The following CCDC148 variants were observed in gnomAD, a reference collection of about 807,000 sequenced individuals.
CCDC148 encodes the protein coiled-coil domain-containing protein 148.
A neutral mutation model predicts 85.7 loss-of-function variants in CCDC148; 89 were observed. The ratio of observed to expected loss-of-function variants is 1.04; its 90% CI spans 0.87 to 1.24. The LOEUF is 1.24. Among genes scored for constraint, CCDC148 ranks in the 50% most tolerant of loss-of-function variants. CCDC148 has a pLI of 0.00. For synonymous variants in CCDC148, 230 were observed against 213.9 expected (o/e 1.08, Z -0.66); for missense variants, 692 against 671.7 (o/e 1.03, Z -0.33).
chr2:158,449,454 CTT>C (rs34470476), intron 1 of CCDC148, among the ~76,000 whole-genome samples: 1 of 147,840 alleles, frequency 6.8e-6, no homozygotes, highest in Non-Finnish European at 1.5e-5. Context: ...TCCTTGGTTT[CTT>C]TTTTTTTTTC....
intron 11 of CCDC148, among the ~76,000 whole-genome samples, chr2:158,217,304 A>T (rs1266773519): frequency 6.9e-6 from 1 of 144,124 alleles, no homozygotes; most frequent in South Asian, 2.2e-4. Context: ...CATTTTATTT[A>T]TGTAGGTATA....
chr2:158,424,750 G>T lies in CCDC148; in HGVS notation c.25+31665C>A, dbSNP rs188984764. The T allele has an allele frequency of 6.5e-4, 139 of 214,452 alleles. 2 individuals carry two copies. In the East Asian group the frequency reaches 0.012, roughly 19 times the overall value. 13.3% of individuals were successfully genotyped at this position (214,452 alleles called of 1,614,324 possible). ...AAAGGGAAAGAATCCCCCAAAAAGG[G>T]TTTTGTGGGTGGATTGAGCCCAGAA... is the stretch of plus-strand genomic sequence containing the variant. On this transcript the variant is annotated intron_variant, in intron 1 of 13. Coordinates refer to ENST00000283233, the MANE Select transcript of CCDC148 (RefSeq NM_138803.4).
At chr2:158,332,956 T>A (rs1477717844) in intron 7 of CCDC148, among the ~76,000 whole-genome samples, 2 of 152,144 alleles carry the variant, frequency 1.3e-5, no homozygotes, top group Non-Finnish European at 2.9e-5. Flanking sequence ...AGTCTATTTA[T>A]TTTGTTAATC....
At chr2:158,283,322 T>C (rs1690434101) in intron 9 of CCDC148, among the ~76,000 whole-genome samples, 2 of 152,136 alleles carry the variant, frequency 1.3e-5, no homozygotes, top group African/African-American at 4.8e-5. Context: ...CAAAAGAAAC[T>C]ACCATCAGAG....
intron 7 of CCDC148, among the ~76,000 whole-genome samples, chr2:158,335,938 T>A (rs543265458): frequency 6.6e-6 from 1 of 151,996 alleles, no homozygotes; most frequent in South Asian, 2.1e-4. Flanking sequence ...TACTATAAAA[T>A]AGGAAGAATT....
chr2:158,298,486 A>G (rs1245430516), intron 9 of CCDC148, among the ~76,000 whole-genome samples: 6 of 152,154 alleles, frequency 3.9e-5, no homozygotes, highest in East Asian at 3.9e-4. Context: ...AATTACATAT[A>G]TAATACAACT....
rs1414301888 is a variant in CCDC148, at chr2:158,230,979, G to A, written c.1252-10266C>T. On this transcript the variant is annotated intron_variant, in intron 10 of 13. Coordinates refer to ENST00000283233, the MANE Select transcript of CCDC148 (RefSeq NM_138803.4). ...AGATAGAAGATTGGGAGAATAACAAGCTTGGAAAAGGAAGAAAATTGGGAG... is the reference window on the plus strand; with the variant it reads ...AGATAGAAGATTGGGAGAATAACAAACTTGGAAAAGGAAGAAAATTGGGAG... Among the ~76,000 whole-genome samples, 9 of 152,244 alleles carry A rather than the reference G, an allele frequency of 5.9e-5. No individual in the cohort carries two copies. In the East Asian group the frequency reaches 1.7e-3, roughly 29 times the overall value.
At chr2:158,372,251 G>C (rs191574984) in intron 1 of CCDC148, among the ~76,000 whole-genome samples, 5 of 151,872 alleles carry the variant, frequency 3.3e-5, no homozygotes, top group African/African-American at 9.7e-5. Flanking sequence ...TTTTTGGGGC[G>C]GGGGGAAAGG....
At chr2:158,305,098 G>C (rs1322811999) in intron 9 of CCDC148, among the ~76,000 whole-genome samples, 1 of 152,084 alleles carries the variant, frequency 6.6e-6, no homozygotes, top group Non-Finnish European at 1.5e-5. Context: ...TGACAGTGCA[G>C]ATCTGCCAGA....
intron 10 of CCDC148, among the ~76,000 whole-genome samples, chr2:158,221,174 C>A (rs748379485): frequency 2.0e-5 from 3 of 152,124 alleles, no homozygotes; most frequent in Non-Finnish European, 4.4e-5. Flanking sequence ...ATGTTGAAAG[C>A]TTTATGCTTC....
In CCDC148 at chr2:158,313,792, T is replaced by C. The variant is rs780481804; in HGVS notation, c.867A>G (p.Leu289=). Residue 289 remains leucine, a synonymous_variant, in exon 8 of 14, where the codon TTA becomes TTG. Transcript: ENST00000283233. ...TAGATTTGTGAGGAAAATATCTTTG[T>C]AACATGTCCAGATACAGAGTCCTTC... is the stretch of plus-strand genomic sequence containing the variant. ...FGRRTLYLDM[L]QRYFPHKSRH... The C allele has an allele frequency of 1.9e-6, 3 of 1,613,934 alleles. No homozygotes were observed. The highest frequency in any genetic ancestry group is 2.5e-6 in the Non-Finnish European group (3 of 1,179,902).
At chr2:158,181,416 A>G (rs1248787064) in intron 11 of CCDC148, among the ~76,000 whole-genome samples, 1 of 152,130 alleles carries the variant, frequency 6.6e-6, no homozygotes, top group Non-Finnish European at 1.5e-5. Context: ...TGGTGATACA[A>G]CGTCAACATG....
intron 11 of CCDC148, among the ~76,000 whole-genome samples, chr2:158,208,333 A>G (rs1178880516): frequency 8.4e-6 from 1 of 119,274 alleles, no homozygotes; most frequent in Non-Finnish European, 1.8e-5. Flanking sequence ...GAACTGTAGA[A>G]GGTGTTCTCT....
At chr2:158,368,792 T>C (rs1684307582) in intron 1 of CCDC148, among the ~76,000 whole-genome samples, 2 of 152,096 alleles carry the variant, frequency 1.3e-5, no homozygotes, top group African/African-American at 4.8e-5. Context: ...GATAAATAAA[T>C]GATATTTATC....
intron 9 of CCDC148, among the ~76,000 whole-genome samples, chr2:158,275,668 A>G (rs1689904519): frequency 6.6e-6 from 1 of 151,892 alleles, no homozygotes; most frequent in Non-Finnish European, 1.5e-5. Context: ...GCTGGAAGTC[A>G]GAGTTGCAGT....
chr2:158,355,840 C>T lies in CCDC148; in HGVS notation c.147+2609G>A, dbSNP rs1327912084. Among the ~76,000 whole-genome samples, 7 of 134,672 alleles carry T rather than the reference C, an allele frequency of 5.2e-5. No homozygotes were observed. In the East Asian group the frequency reaches 1.3e-3, roughly 25 times the overall value. 88.4% of individuals were successfully genotyped at this position (134,672 alleles called of 152,430 possible). On this transcript the variant is annotated intron_variant, in intron 2 of 13. Coordinates refer to ENST00000283233, the MANE Select transcript of CCDC148 (RefSeq NM_138803.4). ...CTTGACTTCAAACTATACTACAAGGCTACAGTAACCAAAACAGCATGGTAC... is the reference window on the plus strand; with the variant it reads ...CTTGACTTCAAACTATACTACAAGGTTACAGTAACCAAAACAGCATGGTAC...
Position 158,275,974 on chromosome 2 carries a change from A to C in CCDC148, c.1111-25062T>G, listed in dbSNP as rs1689922381. Among the ~76,000 whole-genome samples the C allele has an allele frequency of 1.3e-5, 2 of 150,350 alleles. 1 individual carries two copies. Among genetic ancestry groups the C allele is most frequent in the Admixed American group, 1.3e-4 (2 of 15,058 alleles). Reference sequence around the variant, plus strand: ...ACCTATAGATTCCTGAAAGGCTTTAAAAAATGTCTAATTTATCAAAAAAAA... The same window carrying C: ...ACCTATAGATTCCTGAAAGGCTTTACAAAATGTCTAATTTATCAAAAAAAA... On this transcript the variant is annotated intron_variant, in intron 9 of 13. Transcript: ENST00000283233.
intron 2 of CCDC148, among the ~76,000 whole-genome samples, chr2:158,351,214 G>C (rs181511734): frequency 1.3e-5 from 2 of 152,176 alleles, no homozygotes; most frequent in Non-Finnish European, 2.9e-5. Flanking sequence ...CTTCATAAAG[G>C]TAAGGGCTGA....
intron 9 of CCDC148, among the ~76,000 whole-genome samples, chr2:158,284,358 AT>A (rs1690512388): frequency 6.6e-6 from 1 of 152,198 alleles, no homozygotes; most frequent in South Asian, 2.1e-4. Flanking sequence ...ACTATTCAGT[AT>A]TTTTTATAAT....
Sources: gnomAD v4.1 joint callset for allele counts (sites outside exome capture counted in the v4.1 genomes callset) on GRCh38, gnomAD v4.1.1 for gene constraint, MANE v1.5 for transcripts, NCBI Gene and HGNC (gene_info 2026-07-23, HGNC 2026-07-21) for gene names.